The following DGKB variants were observed in gnomAD, a reference collection of about 807,000 sequenced individuals.
The protein encoded by DGKB is diacylglycerol kinase beta, also known as 90 kDa diacylglycerol kinase.
DGKB carries 67 observed loss-of-function variants against 114.3 expected under a neutral mutation model. The ratio of observed to expected loss-of-function variants is 0.59; its 90% CI spans 0.48 to 0.72. The LOEUF is 0.72. DGKB is among the 30% of genes least tolerant of loss of function. DGKB has a pLI of 0.00. For missense variants in DGKB, 907 were observed against 975.2 expected (o/e 0.93, Z 0.93); for synonymous variants, 398 against 323.1 (o/e 1.23, Z -2.49).
chr7:14,787,737 G>A (rs1472440991), intron 2 of DGKB, among the ~76,000 whole-genome samples: 2 of 152,214 alleles, frequency 1.3e-5, no homozygotes, highest in African/African-American at 4.8e-5. Flanking sequence ...CCTCCTCCAG[G>A]TGACGTGAGC....
chr7:14,406,794 T>C (rs141216562), intron 21 of DGKB, among the ~76,000 whole-genome samples: 74 of 152,250 alleles, frequency 4.9e-4, no homozygotes, highest in African/African-American at 1.4e-3. Flanking sequence ...TCTCATCTTA[T>C]GGAATTACTC....
Position 14,592,609 on chromosome 7 carries a change from T to C in DGKB, c.1434-9472A>G, listed in dbSNP as rs1357030799. 2.0e-5 allele frequency among the ~76,000 whole-genome samples: 3 copies of C among 152,108 alleles called. No individual in the cohort carries two copies. The East Asian group carries it at 5.8e-4, about 29-fold the overall frequency. On this transcript the variant is annotated intron_variant, in intron 17 of 25. Coordinates refer to ENST00000402815, the MANE Select transcript of DGKB (RefSeq NM_001350709.2). The stretch of plus-strand genomic sequence containing the variant: ...TAATAACTTTCAGCTTATTTATTAA[T>C]ACCCAAACTGTATCTGTACATACCT...
At chr7:14,677,660 A>T (rs1490627589) in intron 12 of DGKB, among the ~76,000 whole-genome samples, 1 of 152,066 alleles carries the variant, frequency 6.6e-6, no homozygotes, top group Non-Finnish European at 1.5e-5. Context: ...GATTCACAAC[A>T]TGTTATACAA....
chr7:14,617,819 T>C (rs1158348423), intron 15 of DGKB, among the ~76,000 whole-genome samples: 1 of 151,634 alleles, frequency 6.6e-6, no homozygotes, highest in African/African-American at 2.4e-5. Flanking sequence ...AACTGCTTCA[T>C]CTCTTTTAAG....
At chr7:14,276,209 A>C (rs1379718543) in intron 23 of DGKB, among the ~76,000 whole-genome samples, 1 of 152,114 alleles carries the variant, frequency 6.6e-6, no homozygotes, top group Non-Finnish European at 1.5e-5. Flanking sequence ...ATGATACCAC[A>C]CAGCTCTCCA....
intron 23 of DGKB, among the ~76,000 whole-genome samples, chr7:14,316,223 A>G (rs1288713081): frequency 6.6e-6 from 1 of 151,910 alleles, no homozygotes; most frequent in African/African-American, 2.4e-5. Context: ...AATTAAAAGA[A>G]CTAGAAAAGC....
intron 21 of DGKB, among the ~76,000 whole-genome samples, chr7:14,454,950 C>T (rs1043664793): frequency 1.3e-5 from 2 of 151,996 alleles, no homozygotes; most frequent in Non-Finnish European, 2.9e-5. Context: ...AAATAATTTA[C>T]CCTAGGCTTC....
intron 2 of DGKB, among the ~76,000 whole-genome samples, chr7:14,817,796 A>G (rs1844370734): frequency 6.6e-6 from 1 of 152,200 alleles, no homozygotes; most frequent in Non-Finnish European, 1.5e-5. Flanking sequence ...TGCCACAGAT[A>G]TTGACAATAA....
chr7:14,345,403 A>G lies in DGKB; in HGVS notation c.1836-12T>C. On this transcript the variant is annotated splice_polypyrimidine_tract_variant and intron_variant, in intron 21 of 25. Coordinates refer to ENST00000402815, the MANE Select transcript of DGKB (RefSeq NM_001350709.2). ...ATTTGTTCTTCATTCTGAAAAAGAA[A>G]AGGAAGAAGCACCTTAGGCAATTAT... is the stretch of plus-strand genomic sequence containing the variant. 1 of 1,437,864 alleles carries G rather than the reference A, an allele frequency of 7.0e-7. No homozygotes were observed. The highest frequency in any genetic ancestry group is 9.5e-7 in the Non-Finnish European group (1 of 1,051,290). 89.1% of individuals were successfully genotyped at this position (1,437,864 alleles called of 1,614,324 possible). A position where few individuals can be genotyped will look rare whatever the true frequency, so the allele number is the denominator to read the frequency against.
chr7:14,572,368 C>G (rs1253332828), intron 20 of DGKB, among the ~76,000 whole-genome samples: 2 of 151,068 alleles, frequency 1.3e-5, no homozygotes, highest in East Asian at 3.9e-4. Context: ...AGGAGAATGT[C>G]GTGAACCCAG....
chr7:14,241,361 G>A (rs1357934127), intron 23 of DGKB, among the ~76,000 whole-genome samples: 2 of 151,992 alleles, frequency 1.3e-5, no homozygotes, highest in Non-Finnish European at 2.9e-5. Flanking sequence ...AAAATACTGA[G>A]CTGTTTTGAC....
intron 23 of DGKB, among the ~76,000 whole-genome samples, chr7:14,298,519 C>A (rs1802968837): frequency 6.6e-6 from 1 of 152,128 alleles, no homozygotes; most frequent in African/African-American, 2.4e-5. Context: ...AAAACTGAAA[C>A]TGGACCCCTT....
chr7:14,203,161 CAA>C (rs374610278), intron 23 of DGKB, among the ~76,000 whole-genome samples: 17 of 96,054 alleles, frequency 1.8e-4, no homozygotes, highest in Non-Finnish European at 1.6e-4. Context: ...GAGCAGTAGC[CAA>C]AAAAAAAAAA....
At chr7:14,652,710 G>A (rs559085896) in intron 13 of DGKB, among the ~76,000 whole-genome samples, 13 of 150,286 alleles carry the variant, frequency 8.7e-5, no homozygotes, top group Admixed American at 1.3e-4. Context: ...AGAGTGAACA[G>A]GCAACCTACA....
intron 23 of DGKB, among the ~76,000 whole-genome samples, chr7:14,182,375 AT>A (rs1387992167): frequency 6.6e-6 from 1 of 152,032 alleles, no homozygotes; most frequent in Non-Finnish European, 1.5e-5. Context: ...TTTTAATCTA[AT>A]TTTTCATAGA....
chr7:14,519,102 G>A (rs1789320554), intron 20 of DGKB, among the ~76,000 whole-genome samples: 1 of 152,020 alleles, frequency 6.6e-6, no homozygotes, highest in South Asian at 2.1e-4. Flanking sequence ...TGATGTTAAT[G>A]TATGTATCAT....
chr7:14,218,601 G>A (rs1310921390), intron 23 of DGKB, among the ~76,000 whole-genome samples: 1 of 151,996 alleles, frequency 6.6e-6, no homozygotes, highest in African/African-American at 2.4e-5. Flanking sequence ...TGCCTACAAT[G>A]AATAAGAGAT....
At chr7:14,391,530 A>G (rs558217748) in intron 21 of DGKB, among the ~76,000 whole-genome samples, 9 of 152,132 alleles carry the variant, frequency 5.9e-5, no homozygotes, top group African/African-American at 2.2e-4. Context: ...ATAAAAAAAA[A>G]AAAAGGAAAA....
At chr7:14,366,343 C>T (rs1242869274) in intron 21 of DGKB, among the ~76,000 whole-genome samples, 2 of 152,100 alleles carry the variant, frequency 1.3e-5, no homozygotes, top group African/African-American at 4.8e-5. Context: ...GAGTTGTATT[C>T]AGGTAATGTT....
Sources: allele counts gnomAD v4.1 joint callset (sites outside exome capture counted in the v4.1 genomes callset), GRCh38; gene constraint gnomAD v4.1.1; transcripts MANE v1.5; gene names NCBI Gene and HGNC (gene_info 2026-07-23, HGNC 2026-07-21).